Variants in CACNA2D3 observed in about 807,000 individuals in gnomAD.
CACNA2D3 encodes the protein calcium voltage-gated channel auxiliary subunit alpha2delta 3.
In CACNA2D3, 60 loss-of-function variants were observed where a neutral mutation model predicts 160.6. That is an observed-to-expected ratio of 0.37 (90% CI 0.30 to 0.46). The LOEUF (loss-of-function observed/expected upper bound fraction) is 0.46. Ranked by LOEUF, CACNA2D3 falls within the 20% of genes least tolerant of loss-of-function variation. CACNA2D3 has a pLI of 1.00. For missense variants in CACNA2D3, 1,205 were observed against 1,365.0 expected, an observed-to-expected ratio of 0.88 and a Z score of 1.85; for synonymous variants, 558 against 492.9, an observed-to-expected ratio of 1.13 and a Z score of -1.75.
At chr3:54,481,887 AG>A (rs1700939087) in intron 4 of CACNA2D3, among the ~76,000 whole-genome samples, 1 of 152,236 alleles carries the variant, frequency 6.6e-6, no homozygotes, top group African/African-American at 2.4e-5. Context: ...TAGTTTATAC[AG>A]AAATTTCATT....
At chr3:54,808,504 G>A (rs1042174282) in intron 13 of CACNA2D3, among the ~76,000 whole-genome samples, 10 of 152,068 alleles carry the variant, frequency 6.6e-5, no homozygotes, top group African/African-American at 2.2e-4. Flanking sequence ...GAAAAGTCTC[G>A]ATTAGACTAG....
At chr3:54,439,843 C>T (rs1385141681) in intron 4 of CACNA2D3, among the ~76,000 whole-genome samples, 1 of 152,074 alleles carries the variant, frequency 6.6e-6, no homozygotes, top group African/African-American at 2.4e-5. Context: ...TCCCGTCTGC[C>T]CTCTTTCCCC....
chr3:54,313,679 C>T (rs1297616285), intron 2 of CACNA2D3, among the ~76,000 whole-genome samples: 1 of 152,030 alleles, frequency 6.6e-6, no homozygotes, highest in Middle Eastern at 3.2e-3. Context: ...CCGGGAGTCT[C>T]CCCTCTGGAC....
intron 28 of CACNA2D3, among the ~76,000 whole-genome samples, chr3:54,968,889 C>T (rs1049697073): frequency 1.3e-5 from 2 of 152,152 alleles, no homozygotes; most frequent in African/African-American, 4.8e-5. Flanking sequence ...AAACCCTTTA[C>T]GTAACTAGTT....
intron 3 of CACNA2D3, among the ~76,000 whole-genome samples, chr3:54,378,335 T>C (rs76290986): frequency 0.06 from 9,127 of 152,200 alleles, 341 homozygotes; most frequent in Middle Eastern, 0.11. Context: ...CACAATAGAG[T>C]TCATGCTCCT....
chr3:54,179,367 CCTT>C (rs1000783901), intron 2 of CACNA2D3, among the ~76,000 whole-genome samples: 1 of 152,078 alleles, frequency 6.6e-6, no homozygotes, highest in Non-Finnish European at 1.5e-5. Context: ...AGAAGAAGCT[CCTT>C]CTGCAGGAAT....
At chr3:54,291,614 C>G (rs1703207843) in intron 2 of CACNA2D3, among the ~76,000 whole-genome samples, 1 of 152,084 alleles carries the variant, frequency 6.6e-6, no homozygotes, top group South Asian at 2.1e-4. Context: ...CGAAACAGAA[C>G]AGAGCCTGGC....
intron 8 of CACNA2D3, among the ~76,000 whole-genome samples, chr3:54,579,163 G>A (rs889923539): frequency 3.3e-5 from 5 of 152,146 alleles, no homozygotes; most frequent in Non-Finnish European, 2.9e-5. Context: ...GTAAAACCAC[G>A]GTGGGAACCT....
chr3:54,833,435 G>C (rs1343114948), intron 14 of CACNA2D3, among the ~76,000 whole-genome samples: 2 of 152,078 alleles, frequency 1.3e-5, no homozygotes, highest in African/African-American at 4.8e-5. Context: ...CATTTTTCTT[G>C]GAAGCCACAT....
chr3:54,518,568 C>A (rs1422482891), intron 5 of CACNA2D3, among the ~76,000 whole-genome samples: 1 of 152,210 alleles, frequency 6.6e-6, no homozygotes. Context: ...CCACCCGACT[C>A]ATTGTTTTTG....
intron 10 of CACNA2D3, chr3:54,639,917 T>C (rs936201810): frequency 4.6e-5 from 7 of 151,992 alleles, no homozygotes; most frequent in Non-Finnish European, 1.0e-4. Flanking sequence ...AAAATTACAG[T>C]CAAAGGGGGT....
At chr3:54,307,589 G>A (rs1703642298) in intron 2 of CACNA2D3, among the ~76,000 whole-genome samples, 1 of 152,174 alleles carries the variant, frequency 6.6e-6, no homozygotes, top group Non-Finnish European at 1.5e-5. Context: ...TGAAAAGCTA[G>A]GGTCCAGCTG....
intron 13 of CACNA2D3, among the ~76,000 whole-genome samples, chr3:54,777,633 A>G (rs2107123436): frequency 6.6e-6 from 1 of 152,342 alleles, no homozygotes; most frequent in South Asian, 2.1e-4. Flanking sequence ...TTCTGAAGTG[A>G]TCAAATTAAA....
intron 5 of CACNA2D3, among the ~76,000 whole-genome samples, chr3:54,533,959 C>T (rs935222084): frequency 9.9e-5 from 15 of 152,122 alleles, no homozygotes; most frequent in African/African-American, 3.4e-4. Context: ...GTGAATGTTT[C>T]CAAATAAAAA....
chr3:54,261,774 G>T (rs772244868), intron 2 of CACNA2D3, among the ~76,000 whole-genome samples: 1 of 152,220 alleles, frequency 6.6e-6, no homozygotes, highest in African/African-American at 2.4e-5. Flanking sequence ...TATCCTTGGT[G>T]TGTAGAGGGG....
intron 2 of CACNA2D3, among the ~76,000 whole-genome samples, chr3:54,193,363 T>C (rs983744309): frequency 6.6e-6 from 1 of 152,164 alleles, no homozygotes; most frequent in African/African-American, 2.4e-5. Context: ...TTCTTGCAAA[T>C]TGCATGTTGT....
intron 3 of CACNA2D3, among the ~76,000 whole-genome samples, chr3:54,353,437 A>G (rs1374871581): frequency 6.6e-6 from 1 of 151,580 alleles, no homozygotes; most frequent in Non-Finnish European, 1.5e-5. Context: ...AGATATGGGT[A>G]TAAGAAGGTC....
At chr3:54,720,091 A>G (rs1701142057) in intron 11 of CACNA2D3, among the ~76,000 whole-genome samples, 1 of 151,886 alleles carries the variant, frequency 6.6e-6, no homozygotes. Context: ...TCAAGAAGTA[A>G]CTTTTTGGCA....
intron 27 of CACNA2D3, among the ~76,000 whole-genome samples, chr3:54,932,690 TATAAC>T (rs1701220129): frequency 6.6e-6 from 1 of 152,170 alleles, no homozygotes. Context: ...GATGAGCCCT[TATAAC>T]AAATATGAGC....
Sources: allele counts gnomAD v4.1 joint callset (sites outside exome capture counted in the v4.1 genomes callset), GRCh38; gene constraint gnomAD v4.1.1; transcripts MANE v1.5; gene names NCBI Gene and HGNC (gene_info 2026-07-23, HGNC 2026-07-21).